Variants in SMG6 observed in about 807,000 individuals in gnomAD.
SMG6 encodes the protein telomerase-binding protein EST1A.
A neutral mutation model predicts 142.2 loss-of-function variants in SMG6; 66 were observed. The observed-to-expected ratio is 0.46, with a 90% CI of 0.38 to 0.57. SMG6 has a LOEUF of 0.57. Ranked by LOEUF, SMG6 falls within the 20% of genes least tolerant of loss-of-function variation. The probability of loss-of-function intolerance (pLI) is 0.00; values close to 1 mark genes in which losing one functional copy is unlikely to be tolerated. For missense variants in SMG6, 1,793 were observed against 1,832.0 expected (o/e 0.98, Z 0.39); for synonymous variants, 779 against 702.4 (o/e 1.11, Z -1.72).
intron 8 of SMG6, among the ~76,000 whole-genome samples, chr17:2,249,036 G>A (rs568173085): frequency 1.4e-3 from 212 of 151,398 alleles, no homozygotes; most frequent in African/African-American, 3.9e-3. Context: ...ACAGGCGCCC[G>A]CCACCACGCC....
intron 13 of SMG6, among the ~76,000 whole-genome samples, chr17:2,133,080 A>G (rs2070177213): frequency 6.6e-6 from 1 of 152,092 alleles, no homozygotes; most frequent in Non-Finnish European, 1.5e-5. Flanking sequence ...CCCTGTCTCT[A>G]CTAAAAATAC....
chr17:2,236,797 C>G, intron 9 of SMG6, 160 bp from the exon 10 acceptor site: 1 of 1,317,350 alleles, frequency 7.6e-7, no homozygotes, highest in Non-Finnish European at 9.7e-7. Flanking sequence ...TTTCACAAAC[C>G]TTCCCGGTAT....
rs1011682423 is a variant in SMG6 at position 2,081,264 on chromosome 17, G to C, written c.3681+546C>G. ...GGCCAGGAAGAAACACTTGCTGGGG[G>C]TGAAGGCACAGGCCCGTGAGAGGGC... On this transcript the variant is annotated intron_variant, in intron 15 of 18. Coordinates refer to ENST00000263073, the MANE Select transcript of SMG6 (RefSeq NM_017575.5). 7.9e-5 allele frequency among the ~76,000 whole-genome samples: 12 copies of C among 152,294 alleles called. 1 individual carries two copies. The South Asian group carries it at 2.3e-3, about 29-fold the overall frequency.
intron 18 of SMG6, 135 bp downstream of exon 18, chr17:2,064,938 A>G (rs2067895163): frequency 3.0e-6 from 2 of 671,576 alleles, no homozygotes. Context: ...GGCCTCAGGC[A>G]TACATCAGCC....
At chr17:2,267,657 A>C (rs1482362585) in intron 8 of SMG6, among the ~76,000 whole-genome samples, 7 of 152,018 alleles carry the variant, frequency 4.6e-5, no homozygotes, top group African/African-American at 1.7e-4. Context: ...TTATAGATTA[A>C]ATCAGTGCTT....
At chr17:2,072,988 T>A in intron 15 of SMG6, 1 of 152,190 alleles carries the variant, frequency 6.6e-6, no homozygotes, top group Non-Finnish European at 1.5e-5. Context: ...TTTCTACATA[T>A]CCAGAGCATA....
intron 15 of SMG6, among the ~76,000 whole-genome samples, chr17:2,078,381 CTT>C (rs879468646): frequency 1.2e-4 from 17 of 143,438 alleles, no homozygotes; most frequent in Admixed American, 3.5e-4. Context: ...TCACTGAATA[CTT>C]TTTTTTTTTT....
At chr17:2,127,647 A>T (rs1166224270) in intron 13 of SMG6, 1 of 570,312 alleles carries the variant, frequency 1.8e-6, no homozygotes, top group Admixed American at 1.9e-5. Context: ...CATTCAACGA[A>T]TACAATTCTT....
chr17:2,136,421 T>A (rs2151561241), intron 13 of SMG6, among the ~76,000 whole-genome samples: 1 of 152,266 alleles, frequency 6.6e-6, no homozygotes, highest in South Asian at 2.1e-4. Context: ...TAGAAGTAAA[T>A]CATGGCATTT....
chr17:2,249,912 C>T (rs997444057), intron 8 of SMG6, among the ~76,000 whole-genome samples: 1 of 152,142 alleles, frequency 6.6e-6, no homozygotes, highest in Non-Finnish European at 1.5e-5. Context: ...TCTGGACACA[C>T]AATAAAGTCC....
intron 10 of SMG6, among the ~76,000 whole-genome samples, chr17:2,196,579 T>C (rs1567675286): frequency 1.3e-5 from 2 of 152,216 alleles, no homozygotes; most frequent in African/African-American, 4.8e-5. Flanking sequence ...AATAGATCTA[T>C]AGGTTTAACG....
intron 13 of SMG6, among the ~76,000 whole-genome samples, chr17:2,093,089 G>A (rs2068766755): frequency 6.6e-6 from 1 of 151,926 alleles, no homozygotes. Context: ...AGCTACTCAA[G>A]AGGCTGAGGC....
Position 2,065,568 on chromosome 17 carries a change from T to TG in SMG6, c.3946dup (p.Gln1316ProfsTer19). 1.2e-6 allele frequency: 2 copies of TG among 1,614,140 alleles called. No homozygotes were observed. The highest frequency in any genetic ancestry group is 1.7e-6 in the Non-Finnish European group (2 of 1,180,018). ...GCAAGAGTCCCGACTCTCGAATCGC[T>TG]GCTCGAGGAACTCGATGGACTTGCG... is the stretch of plus-strand genomic sequence containing the variant. On this transcript the variant is annotated frameshift_variant, in exon 17 of 19. Transcript: ENST00000263073. LOFTEE classifies it high-confidence loss of function.
chr17:2,166,145 G>A (rs183197483), intron 13 of SMG6, among the ~76,000 whole-genome samples: 19 of 152,146 alleles, frequency 1.2e-4, no homozygotes, highest in South Asian at 6.2e-4. Flanking sequence ...TTGATAGGTG[G>A]AGGATGCAGT....
At chr17:2,170,687 AT>A (rs1330852056) in intron 13 of SMG6, among the ~76,000 whole-genome samples, 4 of 152,242 alleles carry the variant, frequency 2.6e-5, no homozygotes, top group Non-Finnish European at 5.9e-5. Flanking sequence ...GGGTTCTCTG[AT>A]TCCCAAGATG....
intron 15 of SMG6, 129 bp downstream of exon 15, chr17:2,081,681 A>T: frequency 8.9e-7 from 1 of 1,121,010 alleles, no homozygotes; most frequent in Non-Finnish European, 1.3e-6. Context: ...AAACGGGTAG[A>T]GCTAGAGAGA....
intron 8 of SMG6, among the ~76,000 whole-genome samples, chr17:2,279,033 A>G (rs771756918): frequency 7.2e-5 from 11 of 152,192 alleles, no homozygotes; most frequent in African/African-American, 1.2e-4. Context: ...AGGGCCTTCA[A>G]TCTAGCAAGG....
chr17:2,193,763 G>C (rs2072235779), intron 10 of SMG6, among the ~76,000 whole-genome samples: 1 of 152,212 alleles, frequency 6.6e-6, no homozygotes, highest in South Asian at 2.1e-4. Flanking sequence ...ATGGAAGTAA[G>C]ATGTTTCTGT....
intron 15 of SMG6, among the ~76,000 whole-genome samples, chr17:2,075,017 TC>T (rs2068217217): frequency 6.6e-6 from 1 of 152,116 alleles, no homozygotes; most frequent in South Asian, 2.1e-4. Context: ...CTGGAGCGGG[TC>T]TGGGTGGGAA....
Sources: gnomAD v4.1 joint callset for allele counts (sites outside exome capture counted in the v4.1 genomes callset) on GRCh38, gnomAD v4.1.1 for gene constraint, MANE v1.5 for transcripts, NCBI Gene and HGNC (gene_info 2026-07-23, HGNC 2026-07-21) for gene names.